Variants in NETO1 observed in about 807,000 individuals in gnomAD.
The protein encoded by NETO1 is neuropilin and tolloid like 1.
Under a neutral mutation model 61.3 loss-of-function variants are expected in NETO1, and 26 were observed. That is an observed-to-expected ratio of 0.42 (90% confidence interval 0.31 to 0.59). The LOEUF (loss-of-function observed/expected upper bound fraction) is 0.59, where lower values mean the gene tolerates loss of function less well. Among genes scored for constraint, NETO1 ranks in the 20% least tolerant of loss-of-function variants. NETO1 has a pLI of 0.12. For missense variants in NETO1, 531 were observed against 662.8 expected (o/e 0.80, Z 2.18); for synonymous variants, 225 against 225.8 (o/e 1.00, Z 0.03).
At chr18:72,824,653 T>G (rs1237616643) in intron 4 of NETO1, among the ~76,000 whole-genome samples, 2 of 151,302 alleles carry the variant, frequency 1.3e-5, no homozygotes, top group Admixed American at 6.6e-5. Flanking sequence ...TCACCTAAGG[T>G]CAGGAGTTCA....
At chr18:72,756,223 C>T in intron 7 of NETO1, 76 bp from the exon 8 acceptor site, 1 of 680,418 alleles carries the variant, frequency 1.5e-6, no homozygotes, top group South Asian at 1.9e-5. Context: ...CATTACAAAT[C>T]TAAAAAAAAA....
At chr18:72,846,532 A>AAAAG (rs2074093018) in intron 4 of NETO1, among the ~76,000 whole-genome samples, 1 of 149,502 alleles carries the variant, frequency 6.7e-6, no homozygotes, top group South Asian at 2.1e-4. Context: ...AAAAAAAAAA[A>AAAAG]AAGAAGATGC....
intron 1 of NETO1, chr18:72,865,569 C>G (rs1239437931): frequency 6.2e-7 from 1 of 1,607,314 alleles, no homozygotes; most frequent in Admixed American, 1.7e-5. Context: ...TGTATCTAAA[C>G]TACCCTTAGG....
chr18:72,861,414 T>A (rs556890915), intron 3 of NETO1, among the ~76,000 whole-genome samples: 2 of 152,168 alleles, frequency 1.3e-5, no homozygotes, highest in African/African-American at 4.8e-5. Flanking sequence ...TATTTGAAGC[T>A]CTCTAACTCT....
At chr18:72,855,923 C>G (rs942604114) in intron 4 of NETO1, among the ~76,000 whole-genome samples, 1 of 152,184 alleles carries the variant, frequency 6.6e-6, no homozygotes, top group African/African-American at 2.4e-5. Context: ...TTCCATACTA[C>G]TCTGAAGTGT....
At chr18:72,839,250 T>C (rs189837325) in intron 4 of NETO1, among the ~76,000 whole-genome samples, 2 of 152,330 alleles carry the variant, frequency 1.3e-5, no homozygotes, top group East Asian at 3.9e-4. Flanking sequence ...TTTAAAGTTA[T>C]AAAGAGTGGG....
chr18:72,799,674 T>C (rs1599023605), intron 4 of NETO1, among the ~76,000 whole-genome samples: 1 of 152,268 alleles, frequency 6.6e-6, no homozygotes, highest in South Asian at 2.1e-4. Context: ...TTAAAGTACA[T>C]GCCCTTAACT....
intron 4 of NETO1, among the ~76,000 whole-genome samples, chr18:72,802,429 A>G (rs146365442): frequency 1.3e-5 from 2 of 152,332 alleles, no homozygotes; most frequent in African/African-American, 4.8e-5. Context: ...CTTAGACAAG[A>G]AGACAGAGTT....
chr18:72,841,733 CAACAAAAAAAAA>C (rs1164856209), intron 4 of NETO1, among the ~76,000 whole-genome samples: 6 of 71,002 alleles, frequency 8.5e-5, no homozygotes, highest in African/African-American at 2.6e-4. Flanking sequence ...GACTCTACCT[CAACAAAAAAAAA>C]AAAAAAAAAA....
chr18:72,803,520 A>G (rs2072574047), intron 4 of NETO1, among the ~76,000 whole-genome samples: 1 of 152,156 alleles, frequency 6.6e-6, no homozygotes, highest in Admixed American at 6.5e-5. Context: ...CTCCCTGAAA[A>G]GGCTCTTAAA....
At chr18:72,866,081 TACAAG>T (rs1253426605) in intron 1 of NETO1, among the ~76,000 whole-genome samples, 3 of 152,222 alleles carry the variant, frequency 2.0e-5, no homozygotes, top group Admixed American at 6.5e-5. Context: ...TCAACATTTT[TACAAG>T]ACAAAACACT....
chr18:72,827,133 T>C (rs7236812), intron 4 of NETO1, among the ~76,000 whole-genome samples: 120,469 of 149,764 alleles, frequency 0.8, 49,198 homozygotes, highest in Non-Finnish European at 0.86. Context: ...TGGTTTAATA[T>C]CAACCTTCTA....
chr18:72,864,787 T>C, intron 3 of NETO1, 21 bp downstream of exon 3: 2 of 1,613,848 alleles, frequency 1.2e-6, no homozygotes, highest in South Asian at 2.2e-5. Context: ...CTTTCTTAAC[T>C]CTGGCACTGT....
At chr18:72,858,692 C>T (rs2074478016) in intron 4 of NETO1, 134 bp downstream of exon 4, 3 of 875,630 alleles carry the variant, frequency 3.4e-6, no homozygotes, top group South Asian at 3.8e-5. Flanking sequence ...AAAGAAAAAG[C>T]ACTGTAGATT....
intron 6 of NETO1, among the ~76,000 whole-genome samples, chr18:72,789,718 C>T (rs900529362): frequency 2.0e-5 from 3 of 152,114 alleles, no homozygotes; most frequent in Non-Finnish European, 4.4e-5. Flanking sequence ...TCTGTATTTT[C>T]TTGAGGACTG....
chr18:72,761,073 C>CATAAAATGTTAAGACGTATGAT, intron 7 of NETO1, among the ~76,000 whole-genome samples: 1 of 148,626 alleles, frequency 6.7e-6, no homozygotes, highest in South Asian at 2.2e-4. Context: ...AGATGTATGA[C>CATAAAATGTTAAGACGTATGAT]ATAAAATGTT....
intron 1 of NETO1, chr18:72,865,737 T>C: frequency 1.3e-6 from 2 of 1,490,962 alleles, no homozygotes; most frequent in Non-Finnish European, 9.0e-7. Context: ...TCCTACAGAC[T>C]GTGGAGGAGG....
chr18:72,786,522 T>C (rs748800817), intron 6 of NETO1, among the ~76,000 whole-genome samples: 17 of 152,312 alleles, frequency 1.1e-4, no homozygotes, highest in Admixed American at 3.3e-4. Context: ...AATTTCCAAA[T>C]ACTTTGATGC....
chr18:72,771,691 A>T (rs2071356629), intron 7 of NETO1, among the ~76,000 whole-genome samples: 1 of 152,152 alleles, frequency 6.6e-6, no homozygotes, highest in African/African-American at 2.4e-5. Flanking sequence ...CCATCTCCTG[A>T]ACTACCGAAA....
Sources: gnomAD v4.1 joint callset for allele counts (sites outside exome capture counted in the v4.1 genomes callset) on GRCh38, gnomAD v4.1.1 for gene constraint, MANE v1.5 for transcripts, NCBI Gene and HGNC (gene_info 2026-07-23, HGNC 2026-07-21) for gene names.